The following RABEP1 variants were observed in gnomAD, a reference collection of about 807,000 sequenced individuals.
RABEP1 encodes rab GTPase-binding effector protein 1.
RABEP1 carries 51 observed loss-of-function variants against 123.4 expected under a neutral mutation model. The observed-to-expected ratio is 0.41, with a 90% CI of 0.33 to 0.52. RABEP1 has a LOEUF of 0.52. RABEP1 is among the 20% of genes least tolerant of loss of function. RABEP1 has a pLI of 0.16. For missense variants in RABEP1, 888 were observed against 996.3 expected, an observed-to-expected ratio of 0.89 and a Z score of 1.46; for synonymous variants, 347 against 355.2, an observed-to-expected ratio of 0.98 and a Z score of 0.26.
rs139850037 is a variant in RABEP1, at chr17:5,333,408, C to T, written c.367+1256C>T. On this transcript the variant is annotated intron_variant, in intron 3 of 17. Coordinates refer to ENST00000537505, the MANE Select transcript of RABEP1 (RefSeq NM_004703.6). ...CGATCTCCTGACCTCGTGATCTGCC[C>T]GCCTCGGCCTCCCAAAGTGCTGGGA... 1.6e-3 allele frequency among the ~76,000 whole-genome samples: 242 copies of T among 151,776 alleles called. 3 individuals are homozygous for T. In the East Asian group the frequency reaches 0.033, roughly 21 times the overall value.
At chr17:5,304,064 T>C (rs1350277724) in intron 1 of RABEP1, among the ~76,000 whole-genome samples, 1 of 151,924 alleles carries the variant, frequency 6.6e-6, no homozygotes, top group African/African-American at 2.4e-5. Context: ...AAATTTATTA[T>C]ATTGTTTTAC....
chr17:5,322,034 A>G (rs1043623593), intron 2 of RABEP1, among the ~76,000 whole-genome samples: 7 of 152,198 alleles, frequency 4.6e-5, no homozygotes, highest in Non-Finnish European at 7.3e-5. Context: ...CCCCATCTCT[A>G]CTAGAAATAC....
At chr17:5,382,930 C>CAAAAAA in intron 17 of RABEP1, among the ~76,000 whole-genome samples, 192 bp from the exon 18 acceptor site, 1 of 151,312 alleles carries the variant, frequency 6.6e-6, no homozygotes, top group African/African-American at 2.4e-5. Flanking sequence ...CTCTCCCCCC[C>CAAAAAA]AAAAAAAAAT....
At chr17:5,375,378 G>C (rs1157047324) in intron 13 of RABEP1, among the ~76,000 whole-genome samples, 1 of 151,984 alleles carries the variant, frequency 6.6e-6, no homozygotes, top group African/African-American at 2.4e-5. Context: ...TTTCTGAATT[G>C]GTGACTGCTG....
At chr17:5,381,331 T>C in intron 16 of RABEP1, 58 bp from the exon 17 acceptor site, 3 of 1,581,268 alleles carry the variant, frequency 1.9e-6, no homozygotes, top group South Asian at 1.2e-5. Flanking sequence ...AGTTACTGGA[T>C]TTCCTAAGTA....
intron 8 of RABEP1, among the ~76,000 whole-genome samples, chr17:5,360,328 T>C (rs1353544114): frequency 6.6e-6 from 1 of 152,252 alleles, no homozygotes; most frequent in Non-Finnish European, 1.5e-5. Flanking sequence ...TTTGGGAGGC[T>C]GAGGTCGGGG....
At chr17:5,282,607 C>G (rs1480141553) in intron 1 of RABEP1, 87 bp downstream of exon 1, 8 of 955,920 alleles carry the variant, frequency 8.4e-6, no homozygotes, top group Non-Finnish European at 1.0e-5. Flanking sequence ...CAGGCGGCGG[C>G]AAGGGCGCGC....
intron 12 of RABEP1, among the ~76,000 whole-genome samples, chr17:5,370,294 T>C (rs922164794): frequency 3.3e-5 from 5 of 152,232 alleles, no homozygotes; most frequent in Non-Finnish European, 1.5e-5. Flanking sequence ...ATTGTAGACA[T>C]GACAGTCGTA....
chr17:5,343,760 C>G (rs1362429086), intron 5 of RABEP1, among the ~76,000 whole-genome samples: 1 of 149,574 alleles, frequency 6.7e-6, no homozygotes, highest in South Asian at 2.1e-4. Flanking sequence ...ACTGCACCCT[C>G]CACCTCCCAG....
At position 5,377,083 on chromosome 17, in the gene RABEP1, C is replaced by G. The variant is rs762124662; in HGVS notation, c.2026-33C>G. ...GCTTCTTTATTTCCTTTCACTCTCACAAACCCAATAATCATTTGTTTCTTG... is the reference window on the plus strand; with the variant it reads ...GCTTCTTTATTTCCTTTCACTCTCAGAAACCCAATAATCATTTGTTTCTTG... On this transcript the variant is annotated intron_variant, in intron 13 of 17. Coordinates refer to ENST00000537505, the MANE Select transcript of RABEP1 (RefSeq NM_004703.6). 7.7e-6 allele frequency: 12 copies of G among 1,551,648 alleles called. No homozygotes were observed. The South Asian group carries it at 1.5e-4, about 19-fold the overall frequency.
chr17:5,361,561 A>G lies in RABEP1; in HGVS notation c.1449A>G (p.Gln483=), dbSNP rs1567544082. The G allele has an allele frequency of 3.1e-6, 5 of 1,614,238 alleles. No homozygotes were observed. The highest frequency in any genetic ancestry group is 1.6e-4 in the Middle Eastern group (1 of 6,062). The change falls in exon 9 of 18, where the codon CAA becomes CAG. Residue 483 remains glutamine, a synonymous_variant. Transcript: ENST00000537505. The part of the protein sequence containing the change: ...ERAIKAMTPE[Q]EETASLLSSV... ...CAATCAAGGCGATGACACCAGAACAAGAAGAGACAGCGTCCCTCCTCTCCA... is the reference window on the plus strand; with the variant it reads ...CAATCAAGGCGATGACACCAGAACAGGAAGAGACAGCGTCCCTCCTCTCCA...
intron 3 of RABEP1, among the ~76,000 whole-genome samples, chr17:5,332,946 C>A (rs1247335167): frequency 6.6e-6 from 1 of 151,838 alleles, no homozygotes; most frequent in African/African-American, 2.4e-5. Flanking sequence ...TATGTGAAAT[C>A]TTCACTGCAC....
At chr17:5,374,515 C>G (rs1490186234) in intron 13 of RABEP1, among the ~76,000 whole-genome samples, 1 of 152,018 alleles carries the variant, frequency 6.6e-6, no homozygotes, top group Admixed American at 6.5e-5. Flanking sequence ...TGGCTCACTG[C>G]AACCTCCGCC....
Position 5,379,334 on chromosome 17 carries a change from T to A in RABEP1, c.2272-1030T>A, listed in dbSNP as rs192496143. Among the ~76,000 whole-genome samples, 4 of 152,342 alleles carry A rather than the reference T, an allele frequency of 2.6e-5. No homozygotes were observed. In the East Asian group the frequency reaches 7.7e-4, roughly 29 times the overall value. ...GGTGCTTTGACTGAGTATCTCCGAC[T>A]TTTCCAGATGTCCCCGCGCAGTGCC... On this transcript the variant is annotated intron_variant, in intron 15 of 17. Coordinates refer to ENST00000537505, the MANE Select transcript of RABEP1 (RefSeq NM_004703.6).
At position 5,354,208 on chromosome 17, in the gene RABEP1, C is replaced by G. The variant is rs1908814859; in HGVS notation, c.964-151C>G. On this transcript the variant is annotated intron_variant, in intron 7 of 17. Transcript: ENST00000537505. The stretch of plus-strand genomic sequence containing the variant: ...AAATATTTTGTAATGGCCAGAGGCC[C>G]TTAGATGGGATTACAAAACAAAGAA... 3 of 600,406 alleles carry G rather than the reference C, an allele frequency of 5.0e-6. No homozygotes were observed. In the Admixed American group the frequency reaches 1.1e-4, roughly 22 times the overall value. The allele number at this position is 600,406 out of a possible 1,614,324, so 37.2% of individuals were successfully genotyped here.
intron 1 of RABEP1, among the ~76,000 whole-genome samples, chr17:5,305,948 C>T (rs1447900295): frequency 1.3e-5 from 2 of 152,106 alleles, no homozygotes; most frequent in Non-Finnish European, 2.9e-5. Flanking sequence ...CCATTAGTGA[C>T]ATGGAACTCA....
At chr17:5,311,380 CATT>C (rs2075238671) in intron 2 of RABEP1, among the ~76,000 whole-genome samples, 1 of 151,846 alleles carries the variant, frequency 6.6e-6, no homozygotes, top group Non-Finnish European at 1.5e-5. Flanking sequence ...CAGTTGATCA[CATT>C]ATGGATATTT....
At chr17:5,316,276 C>G (rs1567877421) in intron 2 of RABEP1, among the ~76,000 whole-genome samples, 1 of 151,198 alleles carries the variant, frequency 6.6e-6, no homozygotes, top group South Asian at 2.1e-4. Flanking sequence ...CATGGTGAAA[C>G]CGTGTGTCTA....
At position 5,306,053 on chromosome 17, in the gene RABEP1, C is replaced by T. The variant is rs374370299; in HGVS notation, c.35-2641C>T. 9.9e-5 allele frequency among the ~76,000 whole-genome samples: 15 copies of T among 152,246 alleles called. No homozygotes were observed. The South Asian group carries it at 1.5e-3, about 15-fold the overall frequency. Reference sequence around the variant, plus strand: ...AGGTCTCATGGGAATGAACACATAGCGATGCTTCTCGACTTACCATGGGGC... The same window carrying T: ...AGGTCTCATGGGAATGAACACATAGTGATGCTTCTCGACTTACCATGGGGC... On this transcript the variant is annotated intron_variant, in intron 1 of 17. Transcript: ENST00000537505.
Sources: gnomAD v4.1 joint callset for allele counts (sites outside exome capture counted in the v4.1 genomes callset) on GRCh38, gnomAD v4.1.1 for gene constraint, MANE v1.5 for transcripts, NCBI Gene and HGNC (gene_info 2026-07-23, HGNC 2026-07-21) for gene names.